Variants in HSPG2 observed in about 807,000 individuals in gnomAD.
The protein encoded by HSPG2 is heparan sulfate proteoglycan 2.
Under a neutral mutation model 526.6 loss-of-function variants are expected in HSPG2, and 278 were observed. The ratio of observed to expected loss-of-function variants is 0.53; its 90% CI spans 0.48 to 0.58. HSPG2 has a LOEUF of 0.58. Ranked by LOEUF, HSPG2 falls within the 20% of genes least tolerant of loss-of-function variation. HSPG2 has a pLI of 0.00. For missense variants in HSPG2, 5,354 were observed against 6,099.5 expected (o/e 0.88, Z 4.07); for synonymous variants, 2,465 against 2,555.4 (o/e 0.96, Z 1.07).
rs377462320 is a variant in HSPG2, at chr1:21,859,843, C to T, written c.5174G>A (p.Arg1725Gln). The change falls in exon 41 of 97, where the codon CGA becomes CAA. Residue 1725 changes from arginine to glutamine, a missense_variant. Arg to Gln is a conservative substitution (Grantham distance 43, BLOSUM62 1). Transcript: ENST00000374695. This position sits in a 1 kb window ranked among gnomAD's most constrained non-coding sequence, Gnocchi z 5.3. Reference sequence around the variant, plus strand: ...CCTAGGGCCATGGGTACCTTGATGTCGCTGCTGGGTGCCGCTGGGCACAGG... The same window carrying T: ...CCTAGGGCCATGGGTACCTTGATGTTGCTGCTGGGTGCCGCTGGGCACAGG... Reference protein sequence around the residue: ...GRPVPSGTQQRHQGSELHFPS... With the variant: ...GRPVPSGTQQQHQGSELHFPS... 2.7e-5 allele frequency: 43 copies of T among 1,611,430 alleles called. No individual in the cohort carries two copies. The South Asian group carries it at 2.8e-4, about 10-fold the overall frequency.
intron 80 of HSPG2, chr1:21,833,000 G>C: frequency 1.8e-6 from 1 of 568,612 alleles, no homozygotes; most frequent in Non-Finnish European, 3.2e-6. Context: ...AAAGGAAGCT[G>C]GGACAGGAGG....
intron 1 of HSPG2, among the ~76,000 whole-genome samples, chr1:21,902,830 T>C (rs1643173332): frequency 6.6e-6 from 1 of 152,214 alleles, no homozygotes; most frequent in Non-Finnish European, 1.5e-5. Context: ...CTCACCACGT[T>C]GCCTTGGACA....
At chr1:21,931,434 G>A (rs1007318929) in intron 1 of HSPG2, among the ~76,000 whole-genome samples, 13 of 152,348 alleles carry the variant, frequency 8.5e-5, no homozygotes, top group South Asian at 6.2e-4. Flanking sequence ...CGGGACCCTC[G>A]GCGCAGCCTC....
chr1:21,849,105 C>T, intron 57 of HSPG2, 74 bp from the exon 58 acceptor site: 1 of 1,539,208 alleles, frequency 6.5e-7, no homozygotes. Flanking sequence ...TGTTCCCTTC[C>T]CTGGTGCCAC....
At chr1:21,910,652 C>T (rs1322524439) in intron 1 of HSPG2, among the ~76,000 whole-genome samples, 2 of 152,144 alleles carry the variant, frequency 1.3e-5, no homozygotes, top group Admixed American at 6.5e-5. Flanking sequence ...ACCTGGCACA[C>T]AGTAGGTGCC....
Position 21,887,308 on chromosome 1 carries a change from C to T in HSPG2, c.985G>A (p.Glu329Lys), listed in dbSNP as rs531303335. ...CAATGTCCATTCCCGCAGGGGAACT[C>T]GTTGGGCTCACAGGGTGGCGGGGGG... The part of the protein sequence containing the change: ...CGPPPPCEPN[E>K]FPCGNGHCAL... Residue 329 changes from glutamate to lysine, a missense_variant, in exon 9 of 97, where the codon GAG becomes AAG. Coordinates refer to ENST00000374695, the MANE Select transcript of HSPG2 (RefSeq NM_005529.7). The surrounding 1 kb of genome is among the most constrained non-coding windows in gnomAD (Gnocchi z 5.0). 1.3e-5 allele frequency: 21 copies of T among 1,614,082 alleles called. No homozygotes were observed. The highest frequency in any genetic ancestry group is 8.9e-5 in the East Asian group (4 of 44,880).
Position 21,847,816 on chromosome 1 carries a change from C to T in HSPG2, c.7898G>A (p.Arg2633Lys). The stretch of plus-strand genomic sequence containing the variant: ...CACCGTGGGGGAAGACGACTCGATC[C>T]TGATCGGTGGGGAGACGCTGGGCAC... ...SHVPSVSPPI[R>K]IESSSPTVVE... The change falls in exon 61 of 97, where the codon AGG becomes AAG. Residue 2633 changes from arginine (R) to lysine (K), a missense_variant. By Grantham distance (26) the Arg-to-Lys change is conservative (BLOSUM62 2). Coordinates refer to ENST00000374695, the MANE Select transcript of HSPG2 (RefSeq NM_005529.7). This position sits in a 1 kb window ranked among gnomAD's most constrained non-coding sequence, Gnocchi z 4.1. The T allele has an allele frequency of 5.0e-6, 8 of 1,613,922 alleles. No homozygotes were observed. The highest frequency in any genetic ancestry group is 6.8e-6 in the Non-Finnish European group (8 of 1,180,012).
rs1022580341 is a variant in HSPG2 at position 21,827,971 on chromosome 1, A to C, written c.12533-52T>G. Reference sequence around the variant, plus strand: ...GTGGGCATAGACACCCGTGGGTACTATGTCGAGCTCCGGGGCCCCAAGACA... The same window carrying C: ...GTGGGCATAGACACCCGTGGGTACTCTGTCGAGCTCCGGGGCCCCAAGACA... On this transcript the variant is annotated intron_variant, in intron 90 of 96. Coordinates refer to ENST00000374695, the MANE Select transcript of HSPG2 (RefSeq NM_005529.7). 1.9e-6 allele frequency: 3 copies of C among 1,611,258 alleles called. No individual in the cohort carries two copies. The African/African-American group carries it at 4.0e-5, about 22-fold the overall frequency.
chr1:21,833,214 A>G lies in HSPG2; in HGVS notation c.11095+54T>C, dbSNP rs2098012150. ...CTCCTGCCATGATGGCAGTTACTCC[A>G]CGAGGTCCCTCAACCCAGGCCAGCC... On this transcript the variant is annotated intron_variant, in intron 80 of 96. Coordinates refer to ENST00000374695, the MANE Select transcript of HSPG2 (RefSeq NM_005529.7). 6 of 1,411,226 alleles carry G rather than the reference A, an allele frequency of 4.3e-6. No homozygotes were observed. The Admixed American group carries it at 1.0e-4, about 24-fold the overall frequency. The allele number at this position is 1,411,226 out of a possible 1,614,324, so 87.4% of individuals were successfully genotyped here.
At position 21,898,044 on chromosome 1, in the gene HSPG2, C is replaced by T. The variant is rs1159183562; in HGVS notation, c.64-1734G>A. Among the ~76,000 whole-genome samples the T allele has an allele frequency of 2.0e-5, 3 of 152,198 alleles. No individual in the cohort carries two copies. Among genetic ancestry groups the T allele is most frequent in the Admixed American group, 6.5e-5 (1 of 15,282 alleles). The stretch of plus-strand genomic sequence containing the variant: ...GATGAATTCATCTCCACCTTTTCTG[C>T]ACCCTGTGCTCAATAAATACTTGAA... On this transcript the variant is annotated intron_variant, in intron 1 of 96. Coordinates refer to ENST00000374695, the MANE Select transcript of HSPG2 (RefSeq NM_005529.7). This position sits in a 1 kb window ranked among gnomAD's most constrained non-coding sequence, Gnocchi z 4.0.
At chr1:21,866,553 G>A (rs1381182321) in intron 33 of HSPG2, among the ~76,000 whole-genome samples, 1 of 152,218 alleles carries the variant, frequency 6.6e-6, no homozygotes, top group African/African-American at 2.4e-5. Flanking sequence ...CCTGGATAAG[G>A]CCATGCCTGA....
rs569734335 is a variant in HSPG2 at position 21,841,870 on chromosome 1, G to C, written c.9193+132C>G. On this transcript the variant is annotated intron_variant, in intron 69 of 96. Coordinates refer to ENST00000374695, the MANE Select transcript of HSPG2 (RefSeq NM_005529.7). ...TCCAGCGCTCTTGCCATACAGAGACGGGAAGGGCCTTACTCAGGGCCACAC... is the reference window on the plus strand; with the variant it reads ...TCCAGCGCTCTTGCCATACAGAGACCGGAAGGGCCTTACTCAGGGCCACAC... The C allele has an allele frequency of 3.6e-6, 5 of 1,377,192 alleles. No individual in the cohort carries two copies. In the East Asian group the frequency reaches 1.2e-4, roughly 32 times the overall value. 85.3% of individuals were successfully genotyped at this position (1,377,192 alleles called of 1,614,324 possible).
chr1:21,865,102 G>A lies in HSPG2; in HGVS notation c.4396-29C>T, dbSNP rs1442656812. 1.3e-6 allele frequency: 2 copies of A among 1,553,046 alleles called. No individual in the cohort carries two copies. The highest frequency in any genetic ancestry group is 1.7e-6 in the Non-Finnish European group (2 of 1,146,918). On this transcript the variant is annotated intron_variant, in intron 35 of 96. Coordinates refer to ENST00000374695, the MANE Select transcript of HSPG2 (RefSeq NM_005529.7). The surrounding 1 kb of genome is among the most constrained non-coding windows in gnomAD (Gnocchi z 5.4). Reference sequence around the variant, plus strand: ...GGTTGGGGGTGGCAACGTGGGCGGGGGCAGTGGGCTTTGTGGGCTGCTCCT... The same window carrying A: ...GGTTGGGGGTGGCAACGTGGGCGGGAGCAGTGGGCTTTGTGGGCTGCTCCT...
chr1:21,902,068 A>C (rs1643130095), intron 1 of HSPG2, among the ~76,000 whole-genome samples: 2 of 152,038 alleles, frequency 1.3e-5, no homozygotes, highest in Non-Finnish European at 2.9e-5. Context: ...CCCCCAGGCC[A>C]CCCAGTGCCC....
Position 21,851,645 on chromosome 1 carries a change from C to A in HSPG2, c.7059G>T (p.Ala2353=). The part of the protein sequence containing the change: ...IRIEPSSSQV[A]EGQTLDLNCV... ...AGTTCAGATCCAGGGTCTGCCCTTC[C>A]GCCACTTGCGAGGAGGAGGGCTCGA... The change falls in exon 55 of 97, where the codon GCG becomes GCT. Residue 2353 remains alanine (A), a synonymous_variant. Transcript: ENST00000374695. 1 of 1,613,730 alleles carries A rather than the reference C, an allele frequency of 6.2e-7. No homozygotes were observed. Among genetic ancestry groups the A allele is most frequent in the Non-Finnish European group, 8.5e-7 (1 of 1,179,916 alleles).
rs1245831046 is a variant in HSPG2, at chr1:21,903,870, T to G, written c.64-7560A>C. 2.6e-5 allele frequency among the ~76,000 whole-genome samples: 4 copies of G among 152,126 alleles called. No homozygotes were observed. The East Asian group carries it at 7.7e-4, about 29-fold the overall frequency. On this transcript the variant is annotated intron_variant, in intron 1 of 96. Coordinates refer to ENST00000374695, the MANE Select transcript of HSPG2 (RefSeq NM_005529.7). ...CAGGCAGGGGACTGGCGAGAACACT[T>G]GACCACCAGCCGGTGGGGCAGAGCA...
rs529030554 is a variant in HSPG2 at position 21,851,617 on chromosome 1, C to T, written c.7087G>A (p.Val2363Met). 2.2e-5 allele frequency: 36 copies of T among 1,613,842 alleles called. No homozygotes were observed. The Middle Eastern group carries it at 6.6e-4, about 29-fold the overall frequency. Reference protein sequence around the residue: ...AEGQTLDLNCVVPGQSHAQVT... With the variant: ...AEGQTLDLNCMVPGQSHAQVT... The stretch of plus-strand genomic sequence containing the variant: ...TGGGCATGGGACTGCCCGGGCACCA[C>T]GCAGTTCAGATCCAGGGTCTGCCCT... Residue 2363 changes from valine to methionine, a missense_variant, in exon 55 of 97, where the codon GTG becomes ATG. By Grantham distance (21) the Val-to-Met change is conservative. Coordinates refer to ENST00000374695, the MANE Select transcript of HSPG2 (RefSeq NM_005529.7).
intron 1 of HSPG2, among the ~76,000 whole-genome samples, chr1:21,919,095 C>T (rs1041638202): frequency 1.3e-5 from 2 of 152,198 alleles, no homozygotes; most frequent in Admixed American, 6.5e-5. Flanking sequence ...CCAGCTGTGC[C>T]GAGCCTGCAG....
intron 71 of HSPG2, among the ~76,000 whole-genome samples, chr1:21,840,332 G>T (rs1221004892): frequency 6.6e-6 from 1 of 151,734 alleles, no homozygotes; most frequent in African/African-American, 2.4e-5. Flanking sequence ...TTTTTTGAGG[G>T]TCTTGCTCTG....
Sources: allele counts gnomAD v4.1 joint callset (sites outside exome capture counted in the v4.1 genomes callset), GRCh38; gene constraint gnomAD v4.1.1; non-coding constraint Gnocchi (gnomAD v3.1); transcripts MANE v1.5; gene names NCBI Gene and HGNC (gene_info 2026-07-23, HGNC 2026-07-21).